Variants in SMYD3 observed in about 807,000 individuals in gnomAD.
SMYD3 encodes the protein histone-lysine N-methyltransferase SMYD3.
Under a neutral mutation model 57.7 loss-of-function variants are expected in SMYD3, and 36 were observed. The observed-to-expected ratio is 0.62, with a 90% CI of 0.48 to 0.82. The LOEUF is 0.82. Among genes scored for constraint, SMYD3 ranks in the 40% least tolerant of loss-of-function variants. The pLI is 0.00. For synonymous variants in SMYD3, 211 were observed against 195.0 expected (o/e 1.08, Z -0.68); for missense variants, 515 against 538.8 (o/e 0.96, Z 0.44).
chr1:246,451,382 T>G (rs1377930603), intron 1 of SMYD3, among the ~76,000 whole-genome samples: 1 of 152,112 alleles, frequency 6.6e-6, no homozygotes, highest in African/African-American at 2.4e-5. Flanking sequence ...AAGAAGCCAA[T>G]GTGAAAAGGC....
At chr1:246,304,274 A>G (rs1387545838) in intron 5 of SMYD3, among the ~76,000 whole-genome samples, 1 of 152,238 alleles carries the variant, frequency 6.6e-6, no homozygotes, top group Non-Finnish European at 1.5e-5. Flanking sequence ...AACAAATAGT[A>G]TAAATCTGTA....
chr1:245,943,150 GGACA>G (rs2057311011), intron 5 of SMYD3, among the ~76,000 whole-genome samples: 1 of 128,002 alleles, frequency 7.8e-6, no homozygotes, highest in Non-Finnish European at 1.6e-5. Flanking sequence ...GAGGAACTGA[GGACA>G]GACACACACA....
At chr1:246,413,891 C>G (rs997569466) in intron 1 of SMYD3, among the ~76,000 whole-genome samples, 1 of 152,214 alleles carries the variant, frequency 6.6e-6, no homozygotes, top group African/African-American at 2.4e-5. Context: ...ACTAGCAAAT[C>G]AAAGTGGGAT....
chr1:246,051,607 ATAGCAAT>A (rs1318834352), intron 5 of SMYD3, among the ~76,000 whole-genome samples: 1 of 151,936 alleles, frequency 6.6e-6, no homozygotes, highest in Non-Finnish European at 1.5e-5. Flanking sequence ...CCAGAAAAAA[ATAGCAAT>A]TAAACTGTAG....
intron 10 of SMYD3, among the ~76,000 whole-genome samples, chr1:245,833,749 G>A (rs1463550849): frequency 6.6e-6 from 1 of 152,186 alleles, no homozygotes; most frequent in Non-Finnish European, 1.5e-5. Context: ...GACTGGCTAG[G>A]TCCCTGCATC....
intron 5 of SMYD3, among the ~76,000 whole-genome samples, chr1:246,139,342 G>C (rs192422508): frequency 6.6e-6 from 1 of 152,270 alleles, no homozygotes; most frequent in East Asian, 1.9e-4. Flanking sequence ...CAGAAAAACA[G>C]AACTTGGTTG....
chr1:246,499,854 A>T (rs2068430514), intron 1 of SMYD3, among the ~76,000 whole-genome samples: 1 of 151,068 alleles, frequency 6.6e-6, no homozygotes, highest in African/African-American at 2.5e-5. Context: ...CATCATCAGC[A>T]CTCTCAATAA....
intron 5 of SMYD3, among the ~76,000 whole-genome samples, chr1:246,172,150 T>C (rs1253665319): frequency 6.6e-6 from 1 of 152,216 alleles, no homozygotes; most frequent in African/African-American, 2.4e-5. Context: ...GAACACTCAC[T>C]GTACTCTACT....
intron 8 of SMYD3, among the ~76,000 whole-genome samples, chr1:245,905,855 TG>T (rs2054527536): frequency 6.6e-6 from 1 of 152,174 alleles, no homozygotes; most frequent in Non-Finnish European, 1.5e-5. Context: ...TACACACCTA[TG>T]GTGAACTAAT....
At chr1:246,038,527 C>T (rs2059816444) in intron 5 of SMYD3, among the ~76,000 whole-genome samples, 1 of 152,206 alleles carries the variant, frequency 6.6e-6, no homozygotes, top group Admixed American at 6.5e-5. Flanking sequence ...TCGGGTAACT[C>T]TCAGGCCACT....
intron 5 of SMYD3, among the ~76,000 whole-genome samples, chr1:245,969,405 T>C (rs149911467): frequency 6.6e-6 from 1 of 152,358 alleles, no homozygotes; most frequent in Non-Finnish European, 1.5e-5. Flanking sequence ...TTTTCTCTAC[T>C]GGAGGGGTAA....
intron 2 of SMYD3, among the ~76,000 whole-genome samples, chr1:246,348,642 T>G (rs2065767586): frequency 6.6e-6 from 1 of 152,066 alleles, no homozygotes; most frequent in Non-Finnish European, 1.5e-5. Context: ...AAAACTACCT[T>G]TTGAGTACTA....
intron 1 of SMYD3, among the ~76,000 whole-genome samples, chr1:246,403,719 G>A (rs1424624362): frequency 2.6e-5 from 4 of 152,158 alleles, no homozygotes; most frequent in African/African-American, 9.7e-5. Flanking sequence ...TCACAAAGTG[G>A]TGAAAATTAA....
intron 5 of SMYD3, among the ~76,000 whole-genome samples, chr1:246,262,017 C>T (rs990535273): frequency 1.5e-5 from 2 of 131,316 alleles, no homozygotes; most frequent in African/African-American, 5.5e-5. Flanking sequence ...TCTCTGACAT[C>T]ATTCTGCTGC....
intron 5 of SMYD3, among the ~76,000 whole-genome samples, chr1:246,177,263 C>T (rs934501802): frequency 1.3e-5 from 2 of 152,200 alleles, no homozygotes; most frequent in Non-Finnish European, 2.9e-5. Context: ...AACTTCAATG[C>T]TGTCTTCTTA....
At chr1:245,929,734 G>T (rs1353312786) in intron 6 of SMYD3, 136 bp downstream of exon 6, 5 of 666,962 alleles carry the variant, frequency 7.5e-6, no homozygotes, top group African/African-American at 3.6e-5. Context: ...CCATTTTTTT[G>T]TAATTTATTG....
At chr1:246,266,732 G>A (rs2064115339) in intron 5 of SMYD3, among the ~76,000 whole-genome samples, 1 of 152,152 alleles carries the variant, frequency 6.6e-6, no homozygotes, top group African/African-American at 2.4e-5. Context: ...GGGAGGTGGA[G>A]GTTGCAGTGA....
rs2062451501 is a variant in SMYD3 at position 246,177,359 on chromosome 1, C to T, written c.531+149842G>A. On this transcript the variant is annotated intron_variant, in intron 5 of 11. Transcript: ENST00000490107. ...GACAAAACAAAAACCTTTAACAACT[C>T]ATTATTATTTAAGCCAGAGTTGCAC... Among the ~76,000 whole-genome samples the T allele has an allele frequency of 2.6e-5, 4 of 152,270 alleles. No homozygotes were observed. The South Asian group carries it at 8.3e-4, about 32-fold the overall frequency.
At chr1:246,209,630 T>C (rs2063056541) in intron 5 of SMYD3, among the ~76,000 whole-genome samples, 3 of 152,170 alleles carry the variant, frequency 2.0e-5, no homozygotes, top group Non-Finnish European at 1.5e-5. Flanking sequence ...CCTTGTTCTT[T>C]TGCTTTTTGT....
Sources: gnomAD v4.1 joint callset for allele counts (sites outside exome capture counted in the v4.1 genomes callset) on GRCh38, gnomAD v4.1.1 for gene constraint, MANE v1.5 for transcripts, NCBI Gene and HGNC (gene_info 2026-07-23, HGNC 2026-07-21) for gene names.